The following TENM3 variants were observed in gnomAD, a reference collection of about 807,000 sequenced individuals.
The protein encoded by TENM3 is teneurin transmembrane protein 3.
Under a neutral mutation model 255.1 loss-of-function variants are expected in TENM3, and 63 were observed. The observed-to-expected ratio is 0.25, with a 90% CI of 0.20 to 0.30. The LOEUF is 0.30. Ranked by LOEUF, TENM3 falls within the 10% of genes least tolerant of loss-of-function variation. The pLI is 1.00. For missense variants in TENM3, 2,929 were observed against 3,461.1 expected, an observed-to-expected ratio of 0.85 and a Z score of 3.86; for synonymous variants, 1,306 against 1,322.3, an observed-to-expected ratio of 0.99 and a Z score of 0.27.
chr4:182,264,582 T>C (rs973663286), intron 1 of TENM3, among the ~76,000 whole-genome samples: 2 of 151,586 alleles, frequency 1.3e-5, no homozygotes, highest in South Asian at 2.1e-4. Context: ...GTAGCTAAGG[T>C]TTTTGCCCTT....
rs1352626167 is a variant in TENM3 at position 182,475,268 on chromosome 4, G to C, written c.512-125656G>C. Among the ~76,000 whole-genome samples, 8 of 152,244 alleles carry C rather than the reference G, an allele frequency of 5.3e-5. No individual in the cohort carries two copies. In the South Asian group the frequency reaches 1.5e-3, roughly 28 times the overall value. On this transcript the variant is annotated intron_variant, in intron 3 of 27. Coordinates refer to ENST00000511685, the MANE Select transcript of TENM3 (RefSeq NM_001080477.4). Reference sequence around the variant, plus strand: ...CTATGCCTAAGTTGCCGTCTTATTTGAAAGTTGGTTATTTTTTAAAAAATT... The same window carrying C: ...CTATGCCTAAGTTGCCGTCTTATTTCAAAGTTGGTTATTTTTTAAAAAATT...
Position 182,324,174 on chromosome 4 carries a change from C to T in TENM3, c.154C>T (p.His52Tyr), listed in dbSNP as rs759486351. ...SSSETLKAFD[H>Y]DSSRLLYGNR... Reference sequence around the variant, plus strand: ...CAGCGAGACATTGAAAGCTTTTGATCATGATTCCTCGCGGCTGCTTTACGG... The same window carrying T: ...CAGCGAGACATTGAAAGCTTTTGATTATGATTCCTCGCGGCTGCTTTACGG... The change falls in exon 2 of 28, where the codon CAT becomes TAT. Residue 52 changes from histidine (H) to tyrosine (Y), a missense_variant. Physicochemically the swap from His to Tyr is moderately conservative, Grantham distance 83. This residue lies in a region of TENM3 where 283 missense variants were observed against 256.9 expected (regional missense o/e 1.10). Transcript: ENST00000511685. 6.2e-7 allele frequency: 1 copy of T among 1,613,898 alleles called. No individual in the cohort carries two copies. Among genetic ancestry groups the T allele is most frequent in the African/African-American group, 1.3e-5 (1 of 74,932 alleles).
the TENM3 span, among the ~76,000 whole-genome samples, chr4:181,856,123 A>AGGAAGGAAAG: frequency 3.7e-3 from 515 of 139,656 alleles, 12 homozygotes; most frequent in East Asian, 0.039. Flanking sequence ...GGAAGAAGGA[A>AGGAAGGAAAG]GGAAAGAAGG....
At chr4:181,485,763 C>T in the TENM3 span, among the ~76,000 whole-genome samples, 1 of 152,076 alleles carries the variant, frequency 6.6e-6, no homozygotes, top group African/African-American at 2.4e-5. Context: ...TGTTGATCAA[C>T]AGGGAATTAG....
intron 24 of TENM3, among the ~76,000 whole-genome samples, chr4:182,785,568 C>T (rs1027435929): frequency 3.3e-5 from 5 of 151,262 alleles, no homozygotes; most frequent in South Asian, 2.1e-4. Context: ...ATTAGCCAGG[C>T]GTGGTGGCGC....
intron 1 of TENM3, among the ~76,000 whole-genome samples, chr4:182,161,923 A>G (rs12641213): frequency 0.038 from 403 of 10,680 alleles, 68 homozygotes; most frequent in Middle Eastern, 0.1. Context: ...ATGTATGTGT[A>G]TATATATACA....
chr4:182,189,886 C>T (rs1433623276), intron 1 of TENM3, among the ~76,000 whole-genome samples: 2 of 152,136 alleles, frequency 1.3e-5, no homozygotes, highest in Admixed American at 1.3e-4. Context: ...CAAATTTATG[C>T]GTAAGGCAGA....
chr4:182,649,270 A>C (rs1280432519), intron 5 of TENM3, among the ~76,000 whole-genome samples: 1 of 150,616 alleles, frequency 6.6e-6, no homozygotes, highest in African/African-American at 2.4e-5. Flanking sequence ...ACTTCTTATT[A>C]TATTTACCTC....
At chr4:181,967,890 G>A in the TENM3 span, among the ~76,000 whole-genome samples, 3 of 152,062 alleles carry the variant, frequency 2.0e-5, no homozygotes, top group South Asian at 2.1e-4. Context: ...CTGCTCCATC[G>A]TCCTTCCAAG....
the TENM3 span, among the ~76,000 whole-genome samples, chr4:181,537,956 C>CT: frequency 6.6e-6 from 1 of 152,052 alleles, no homozygotes; most frequent in Non-Finnish European, 1.5e-5. Context: ...GAAATGTACC[C>CT]TTCATACGTT....
intron 12 of TENM3, among the ~76,000 whole-genome samples, chr4:182,693,921 G>GT (rs1428004320): frequency 6.6e-6 from 1 of 152,056 alleles, no homozygotes; most frequent in East Asian, 1.9e-4. Flanking sequence ...AATGTTTTGG[G>GT]TGCCAACATT....
the TENM3 span, among the ~76,000 whole-genome samples, chr4:182,123,738 G>A: frequency 5.5e-4 from 83 of 152,138 alleles, no homozygotes; most frequent in Admixed American, 4.4e-3. Flanking sequence ...ACAGAGACAC[G>A]AAGTGAGCAC....
chr4:182,299,142 C>T (rs1761694520), intron 1 of TENM3, among the ~76,000 whole-genome samples: 1 of 151,778 alleles, frequency 6.6e-6, no homozygotes, highest in African/African-American at 2.4e-5. Flanking sequence ...ATTAAAAACA[C>T]CAGATTATCT....
At chr4:182,610,029 GC>G (rs1230074019) in intron 4 of TENM3, among the ~76,000 whole-genome samples, 29 of 152,292 alleles carry the variant, frequency 1.9e-4, no homozygotes, top group African/African-American at 6.3e-4. Flanking sequence ...CAATTAGGTA[GC>G]TTTTTACCTT....
the TENM3 span, among the ~76,000 whole-genome samples, chr4:181,486,355 C>T: frequency 6.6e-6 from 1 of 152,194 alleles, no homozygotes; most frequent in Non-Finnish European, 1.5e-5. Flanking sequence ...AGCTTAAATA[C>T]CCAGTAAGGA....
At chr4:181,599,856 A>G in the TENM3 span, among the ~76,000 whole-genome samples, 2 of 152,140 alleles carry the variant, frequency 1.3e-5, no homozygotes, top group Non-Finnish European at 2.9e-5. Context: ...CTTATTTATT[A>G]CACAAATTTA....
chr4:182,318,837 G>A lies in TENM3; in HGVS notation c.-75-5109G>A, dbSNP rs534413995. On this transcript the variant is annotated intron_variant, in intron 1 of 27. Coordinates refer to ENST00000511685, the MANE Select transcript of TENM3 (RefSeq NM_001080477.4). ...GGCTGGAGTGCAGTGGCATGATCAT[G>A]GCTCGCTCTGTCCTTGAAGTCCTGG... 7.6e-4 allele frequency among the ~76,000 whole-genome samples: 116 copies of A among 152,258 alleles called. 1 individual carries two copies. Among genetic ancestry groups the A allele is most frequent in the African/African-American group, 2.5e-3 (103 of 41,544 alleles).
the TENM3 span, among the ~76,000 whole-genome samples, chr4:182,107,860 C>T: frequency 6.6e-6 from 1 of 152,048 alleles, no homozygotes. Flanking sequence ...AGTTTCACAG[C>T]CCTTGGAATA....
At chr4:182,773,112 G>A (rs1205137789) in intron 22 of TENM3, among the ~76,000 whole-genome samples, 1 of 152,128 alleles carries the variant, frequency 6.6e-6, no homozygotes, top group Non-Finnish European at 1.5e-5. Flanking sequence ...ATGTAACAGT[G>A]AATTAAATCT....
Sources: gnomAD v4.1 joint callset for allele counts (sites outside exome capture counted in the v4.1 genomes callset) on GRCh38, gnomAD v4.1.1 for gene constraint, gnomAD v4.1.1 regional missense constraint, MANE v1.5 for transcripts, NCBI Gene and HGNC (gene_info 2026-07-23, HGNC 2026-07-21) for gene names.